ADARB2: variants seen among roughly 807,000 people sequenced by gnomAD.
ADARB2 encodes inactive double-stranded RNA-specific editase B2.
In ADARB2, 25 loss-of-function variants were observed where a neutral mutation model predicts 62.2. That is an observed-to-expected ratio of 0.40 (90% CI 0.29 to 0.56). ADARB2 has a LOEUF of 0.56. Among genes scored for constraint, ADARB2 ranks in the 20% least tolerant of loss-of-function variants. The pLI is 0.43. For missense variants in ADARB2, 1,071 were observed against 1,077.4 expected (o/e 0.99, Z 0.08); for synonymous variants, 572 against 500.8 (o/e 1.14, Z -1.90).
chr10:1,207,924 G>A (rs1403069930), intron 7 of ADARB2, among the ~76,000 whole-genome samples: 3 of 152,208 alleles, frequency 2.0e-5, no homozygotes, highest in Non-Finnish European at 4.4e-5. Context: ...TTGGCTGTTG[G>A]TGAGAGTCTA....
At chr10:1,514,674 T>C (rs1831986803) in intron 1 of ADARB2, among the ~76,000 whole-genome samples, 1 of 151,986 alleles carries the variant, frequency 6.6e-6, no homozygotes, top group South Asian at 2.1e-4. Flanking sequence ...GTATTTAATT[T>C]TGATTGAATT....
intron 1 of ADARB2, among the ~76,000 whole-genome samples, chr10:1,666,783 C>T (rs1834322353): frequency 6.6e-6 from 1 of 152,196 alleles, no homozygotes; most frequent in African/African-American, 2.4e-5. Flanking sequence ...ATCTGAAAGA[C>T]TCTGAGACTC....
At chr10:1,401,624 G>A (rs1214845187) in intron 1 of ADARB2, among the ~76,000 whole-genome samples, 1 of 152,218 alleles carries the variant, frequency 6.6e-6, no homozygotes, top group East Asian at 1.9e-4. Context: ...GCACCAGCAA[G>A]GAGGCTACAC....
intron 1 of ADARB2, among the ~76,000 whole-genome samples, chr10:1,518,721 G>GTCTGCATGTGA (rs1447817503): frequency 6.6e-6 from 1 of 151,926 alleles, no homozygotes; most frequent in Non-Finnish European, 1.5e-5. Context: ...TCCGTGTAAT[G>GTCTGCATGTGA]TCTGCATGTG....
At chr10:1,312,224 G>A (rs948209936) in intron 3 of ADARB2, among the ~76,000 whole-genome samples, 2 of 152,154 alleles carry the variant, frequency 1.3e-5, no homozygotes, top group Non-Finnish European at 2.9e-5. Context: ...GGTGCTGGCT[G>A]GCCTGCACCA....
intron 8 of ADARB2, among the ~76,000 whole-genome samples, chr10:1,188,462 A>G (rs1836793855): frequency 6.6e-6 from 1 of 152,098 alleles, no homozygotes; most frequent in Non-Finnish European, 1.5e-5. Flanking sequence ...TGTTCCCTTT[A>G]TTTGTCCTCT....
chr10:1,526,955 A>G (rs879189118), intron 1 of ADARB2: 10 of 365,262 alleles, frequency 2.7e-5, no homozygotes, highest in South Asian at 2.1e-4. Context: ...GTTAATAATT[A>G]TGTGAAATAG....
At chr10:1,188,816 A>G (rs1175504889) in intron 8 of ADARB2, among the ~76,000 whole-genome samples, 2 of 152,144 alleles carry the variant, frequency 1.3e-5, no homozygotes, top group African/African-American at 4.8e-5. Flanking sequence ...CAGTCTCACT[A>G]TTAGGTTTGC....
At chr10:1,453,822 G>C (rs1831066284) in intron 1 of ADARB2, among the ~76,000 whole-genome samples, 1 of 152,174 alleles carries the variant, frequency 6.6e-6, no homozygotes, top group Admixed American at 6.5e-5. Context: ...CCACTGGAAT[G>C]GCTACTGCAA....
At chr10:1,474,741 G>T (rs1254127876) in intron 1 of ADARB2, among the ~76,000 whole-genome samples, 1 of 152,112 alleles carries the variant, frequency 6.6e-6, no homozygotes, top group African/African-American at 2.4e-5. Flanking sequence ...GCAGCGGGTG[G>T]GTCGACTGGG....
chr10:1,475,941 G>T (rs2813409), intron 1 of ADARB2, among the ~76,000 whole-genome samples: 58 of 152,100 alleles, frequency 3.8e-4, no homozygotes, highest in African/African-American at 1.4e-3. Context: ...TTGTTTCACC[G>T]AGTCTAGATG....
At chr10:1,356,069 T>C (rs942821807) in intron 3 of ADARB2, among the ~76,000 whole-genome samples, 2 of 152,192 alleles carry the variant, frequency 1.3e-5, no homozygotes, top group African/African-American at 4.8e-5. Context: ...AGTTTTTTTT[T>C]CCATGTGTAA....
Position 1,200,006 on chromosome 10 carries a change from C to A in ADARB2, c.1824G>T (p.Gln608His). The A allele has an allele frequency of 6.3e-7, 1 of 1,577,306 alleles. No individual in the cohort carries two copies. The highest frequency in any genetic ancestry group is 8.6e-7 in the Non-Finnish European group (1 of 1,164,612). ...VMSHRMEGVG[Q>H]LPASYRHNRP... ...GGTTGTGCCGGTAGGAGGCGGGCAG[C>A]TGGCCGACACCCTCCATGCGGTGGC... The change falls in exon 8 of 10, where the codon CAG becomes CAT. Residue 608 changes from glutamine (Q) to histidine (H), a missense_variant. Gln to His is a conservative substitution (Grantham distance 24). Transcript: ENST00000381312.
At chr10:1,504,165 G>A (rs1831804383) in intron 1 of ADARB2, among the ~76,000 whole-genome samples, 1 of 152,118 alleles carries the variant, frequency 6.6e-6, no homozygotes, top group Admixed American at 6.5e-5. Flanking sequence ...TCACTTCCAT[G>A]CTGAGGTCCT....
chr10:1,418,838 TA>T (rs1314123160), intron 1 of ADARB2, among the ~76,000 whole-genome samples: 21 of 151,902 alleles, frequency 1.4e-4, no homozygotes, highest in Non-Finnish European at 2.5e-4. Flanking sequence ...AAAAAAAATC[TA>T]TGTCTTGATT....
chr10:1,473,684 G>A (rs774627638), intron 1 of ADARB2, among the ~76,000 whole-genome samples: 52 of 152,210 alleles, frequency 3.4e-4, no homozygotes, highest in Non-Finnish European at 6.9e-4. Flanking sequence ...ACCTGGCCTC[G>A]GATCTGCATT....
chr10:1,640,415 T>G (rs1833967041), intron 1 of ADARB2, among the ~76,000 whole-genome samples: 1 of 152,208 alleles, frequency 6.6e-6, no homozygotes, highest in Non-Finnish European at 1.5e-5. Flanking sequence ...CTACCTTTTT[T>G]AAAGCAGGTT....
At chr10:1,657,425 G>A (rs937574038) in intron 1 of ADARB2, among the ~76,000 whole-genome samples, 7 of 152,086 alleles carry the variant, frequency 4.6e-5, no homozygotes, top group African/African-American at 7.2e-5. Context: ...TTTAAAAGCG[G>A]TGAAAATGTA....
chr10:1,329,686 T>C (rs1006309547), intron 3 of ADARB2, among the ~76,000 whole-genome samples: 1 of 152,220 alleles, frequency 6.6e-6, no homozygotes, highest in African/African-American at 2.4e-5. Flanking sequence ...TTTTAAGATC[T>C]GTTTATTCGA....
Sources: gnomAD v4.1 joint callset for allele counts (sites outside exome capture counted in the v4.1 genomes callset) on GRCh38, gnomAD v4.1.1 for gene constraint, MANE v1.5 for transcripts, NCBI Gene and HGNC (gene_info 2026-07-23, HGNC 2026-07-21) for gene names.